The following ADAM12 variants were observed in gnomAD, a reference collection of about 807,000 sequenced individuals.
The protein encoded by ADAM12 is disintegrin and metalloproteinase domain-containing protein 12.
ADAM12 carries 70 observed loss-of-function variants against 106.4 expected under a neutral mutation model. The observed-to-expected ratio is 0.66, with a 90% CI of 0.54 to 0.80. The LOEUF is 0.80. Ranked by LOEUF, ADAM12 falls within the 30% of genes least tolerant of loss-of-function variation. ADAM12 has a pLI of 0.00. For synonymous variants in ADAM12, 420 were observed against 433.5 expected (o/e 0.97, Z 0.39); for missense variants, 1,010 against 1,171.9 (o/e 0.86, Z 2.02).
intron 3 of ADAM12, 99 bp from the exon 4 acceptor site, chr10:126,155,404 C>CCT (rs1956797222): frequency 1.2e-6 from 1 of 807,506 alleles, no homozygotes; most frequent in Non-Finnish European, 1.8e-6. Flanking sequence ...TTGTGACCTC[C>CCT]TTTTTTTTTT....
chr10:126,215,828 C>T (rs781353298), intron 3 of ADAM12, among the ~76,000 whole-genome samples: 7 of 152,098 alleles, frequency 4.6e-5, no homozygotes, highest in East Asian at 1.9e-4. Context: ...GTAAACAGCA[C>T]AAAAAAATCA....
intron 3 of ADAM12, among the ~76,000 whole-genome samples, chr10:126,168,793 C>T (rs931283122): frequency 6.6e-6 from 1 of 152,108 alleles, no homozygotes; most frequent in African/African-American, 2.4e-5. Context: ...GTGGCTCACA[C>T]GGGAATCCTA....
At chr10:126,116,056 T>C (rs1477579322) in intron 6 of ADAM12, among the ~76,000 whole-genome samples, 1 of 152,236 alleles carries the variant, frequency 6.6e-6, no homozygotes, top group African/African-American at 2.4e-5. Flanking sequence ...CAATATGCAT[T>C]ATTAACAAAG....
intron 1 of ADAM12, among the ~76,000 whole-genome samples, chr10:126,355,325 G>A (rs983362549): frequency 2.0e-5 from 3 of 152,110 alleles, no homozygotes; most frequent in Admixed American, 6.5e-5. Context: ...CTAAATCTCC[G>A]ACAGGTCTAA....
intron 5 of ADAM12, among the ~76,000 whole-genome samples, chr10:126,128,682 T>C (rs1956247795): frequency 7.4e-6 from 1 of 135,102 alleles, no homozygotes; most frequent in Non-Finnish European, 1.5e-5. Flanking sequence ...TGTGCGAGTG[T>C]GTGGTGTGTG....
intron 3 of ADAM12, among the ~76,000 whole-genome samples, chr10:126,271,629 G>A (rs928253266): frequency 4.6e-5 from 7 of 152,214 alleles, no homozygotes; most frequent in Admixed American, 4.6e-4. Flanking sequence ...GCTGGATATT[G>A]CAGCGCATGC....
At chr10:126,052,430 C>T (rs1239662071) in intron 14 of ADAM12, among the ~76,000 whole-genome samples, 4 of 152,234 alleles carry the variant, frequency 2.6e-5, no homozygotes, top group Non-Finnish European at 1.5e-5. Flanking sequence ...CTAGATTCTG[C>T]TACCTTTATT....
chr10:126,293,088 A>C lies in ADAM12; in HGVS notation c.187-14100T>G, dbSNP rs115488399. ...ACCAAGTTTCACAGGCCAGCAACCCACAAGGCTCCTTCAGCCTGTAGCTCT... is the reference window on the plus strand; with the variant it reads ...ACCAAGTTTCACAGGCCAGCAACCCCCAAGGCTCCTTCAGCCTGTAGCTCT... On this transcript the variant is annotated intron_variant, in intron 2 of 22. Coordinates refer to ENST00000448723, the MANE Select transcript of ADAM12 (RefSeq NM_001288973.2). 5.1e-3 allele frequency among the ~76,000 whole-genome samples: 783 copies of C among 152,346 alleles called. 7 individuals carry two copies. The highest frequency in any genetic ancestry group is 0.016 in the African/African-American group (665 of 41,590).
At chr10:126,033,328 T>TAATC (rs1458656517) in intron 21 of ADAM12, among the ~76,000 whole-genome samples, 2 of 152,136 alleles carry the variant, frequency 1.3e-5, no homozygotes, top group Admixed American at 6.5e-5. Context: ...AGTGTACCAG[T>TAATC]AATCAAAAAA....
chr10:126,143,931 C>T (rs1956576171), intron 4 of ADAM12, among the ~76,000 whole-genome samples: 2 of 152,130 alleles, frequency 1.3e-5, no homozygotes, highest in Admixed American at 1.3e-4. Context: ...AGTGACTTTG[C>T]AGCTCTGTGT....
intron 2 of ADAM12, among the ~76,000 whole-genome samples, chr10:126,320,621 G>C (rs1410911037): frequency 2.0e-5 from 3 of 152,260 alleles, no homozygotes; most frequent in African/African-American, 4.8e-5. Context: ...GTAGATGAAG[G>C]CTTCCTCAGC....
chr10:126,044,165 G>A (rs532099063), intron 17 of ADAM12, among the ~76,000 whole-genome samples: 13 of 152,040 alleles, frequency 8.6e-5, no homozygotes, highest in African/African-American at 2.7e-4. Context: ...GTCCAGGCAC[G>A]GTGGCTCATG....
At chr10:126,311,116 C>T (rs528492851) in intron 2 of ADAM12, among the ~76,000 whole-genome samples, 1 of 151,524 alleles carries the variant, frequency 6.6e-6, no homozygotes, top group African/African-American at 2.4e-5. Flanking sequence ...CACACACACA[C>T]ACACACACAC....
At chr10:126,073,919 G>A (rs911850211) in intron 11 of ADAM12, among the ~76,000 whole-genome samples, 8 of 152,116 alleles carry the variant, frequency 5.3e-5, no homozygotes, top group African/African-American at 1.9e-4. Flanking sequence ...ATTTAGAAGG[G>A]TATTATATTG....
At chr10:126,061,989 T>C (rs1954765936) in intron 14 of ADAM12, among the ~76,000 whole-genome samples, 1 of 152,050 alleles carries the variant, frequency 6.6e-6, no homozygotes, top group Admixed American at 6.5e-5. Flanking sequence ...AAGGAGGTGG[T>C]CAAAGGCCCA....
chr10:126,177,960 G>A (rs962490325), intron 3 of ADAM12, among the ~76,000 whole-genome samples: 2 of 152,256 alleles, frequency 1.3e-5, no homozygotes, highest in East Asian at 1.9e-4. Context: ...ATCTCCATGC[G>A]CTCATTTAAC....
chr10:126,106,580 G>C (rs570562363), intron 8 of ADAM12, among the ~76,000 whole-genome samples: 61 of 151,284 alleles, frequency 4.0e-4, no homozygotes, highest in African/African-American at 1.4e-3. Flanking sequence ...CTGCTTCCCG[G>C]GTTCAAGCAA....
chr10:126,209,341 C>T lies in ADAM12; in HGVS notation c.261-54036G>A, dbSNP rs528638439. ...TGTTAGATATGTAAATTGTTTCAAA[C>T]TGATAAAAATGCCTAACAATTACCT... On this transcript the variant is annotated intron_variant, in intron 3 of 22. Coordinates refer to ENST00000448723, the MANE Select transcript of ADAM12 (RefSeq NM_001288973.2). Among the ~76,000 whole-genome samples the T allele has an allele frequency of 5.9e-5, 9 of 152,302 alleles. No individual in the cohort carries two copies. The East Asian group carries it at 1.7e-3, about 29-fold the overall frequency.
chr10:126,291,046 G>GTTCT (rs2133779326), intron 2 of ADAM12, among the ~76,000 whole-genome samples: 4 of 152,352 alleles, frequency 2.6e-5, no homozygotes, highest in African/African-American at 9.6e-5. Flanking sequence ...GGCCTTCTAA[G>GTTCT]ACACAGCCAG....
Sources: gnomAD v4.1 joint callset for allele counts (sites outside exome capture counted in the v4.1 genomes callset) on GRCh38, gnomAD v4.1.1 for gene constraint, MANE v1.5 for transcripts, NCBI Gene and HGNC (gene_info 2026-07-23, HGNC 2026-07-21) for gene names.